Variants in ACOXL observed in about 807,000 individuals in gnomAD.
The protein encoded by ACOXL is acyl-CoA oxidase like, also known as acyl-coenzyme A oxidase-like protein.
In ACOXL, 70 loss-of-function variants were observed where a neutral mutation model predicts 71.9. The ratio of observed to expected loss-of-function variants is 0.97; its 90% CI spans 0.80 to 1.19. The LOEUF (loss-of-function observed/expected upper bound fraction) is 1.19, where lower values mean the gene tolerates loss of function less well. Ranked by LOEUF, ACOXL falls within the 50% of genes most tolerant of loss-of-function variation. The pLI, the probability that ACOXL is intolerant of heterozygous loss-of-function variation, is 0.00. For missense variants in ACOXL, 703 were observed against 736.3 expected (o/e 0.95, Z 0.52); for synonymous variants, 253 against 281.6 (o/e 0.90, Z 1.02).
chr2:110,875,340 A>G (rs7563488), intron 10 of ACOXL, among the ~76,000 whole-genome samples: 43,486 of 152,084 alleles, frequency 0.29, 6,862 homozygotes, highest in Non-Finnish European at 0.35. Context: ...TTCTTTATTA[A>G]GTGTATTTTT....
At chr2:111,117,275 G>A (rs546550796) in intron 17 of ACOXL, among the ~76,000 whole-genome samples, 9 of 152,328 alleles carry the variant, frequency 5.9e-5, no homozygotes, top group Non-Finnish European at 1.3e-4. Flanking sequence ...GGAAGGACCA[G>A]GGAGGAAGGA....
chr2:110,962,063 G>A (rs12999905), intron 12 of ACOXL, among the ~76,000 whole-genome samples: 13,291 of 152,290 alleles, frequency 0.087, 810 homozygotes, highest in East Asian at 0.24. Context: ...CTTGACAGAT[G>A]ATTCAAGAAC....
intron 9 of ACOXL, among the ~76,000 whole-genome samples, chr2:110,839,514 C>A (rs1690874436): frequency 6.6e-6 from 1 of 152,166 alleles, no homozygotes; most frequent in South Asian, 2.1e-4. Flanking sequence ...TTGAAAAATT[C>A]AGGTGATTGT....
intron 10 of ACOXL, among the ~76,000 whole-genome samples, chr2:110,884,236 A>G (rs999183393): frequency 1.3e-5 from 2 of 152,234 alleles, no homozygotes; most frequent in Admixed American, 6.5e-5. Flanking sequence ...AAATTAAACT[A>G]TGTAAGGAAG....
chr2:110,840,403 G>T lies in ACOXL; in HGVS notation c.754-968G>T, dbSNP rs946154401. 4.7e-4 allele frequency among the ~76,000 whole-genome samples: 71 copies of T among 152,182 alleles called. 4 individuals are homozygous for T. The highest frequency in any genetic ancestry group is 1.6e-4 in the Non-Finnish European group (11 of 68,036). The stretch of plus-strand genomic sequence containing the variant: ...CTATTAGTGGTAGTTATTATTTATA[G>T]AATTTTTCCTATCACACAATAGGCA... On this transcript the variant is annotated intron_variant, in intron 9 of 17. Transcript: ENST00000439055.
intron 8 of ACOXL, among the ~76,000 whole-genome samples, chr2:110,802,723 G>A (rs1474318384): frequency 6.6e-6 from 1 of 152,174 alleles, no homozygotes; most frequent in East Asian, 1.9e-4. Context: ...GTTACCAGGG[G>A]CTGGGAAAGG....
At chr2:110,900,086 TAC>T (rs60758688) in intron 10 of ACOXL, among the ~76,000 whole-genome samples, 10,509 of 143,062 alleles carry the variant, frequency 0.073, 430 homozygotes, top group South Asian at 0.15. Flanking sequence ...CACACACACA[TAC>T]ACACACACAC....
intron 1 of ACOXL, among the ~76,000 whole-genome samples, chr2:110,761,890 C>T (rs28452164): frequency 0.057 from 8,673 of 152,216 alleles, 410 homozygotes; most frequent in African/African-American, 0.12. Context: ...TTATAGTGAA[C>T]ATTTTATCAT....
chr2:110,756,236 C>G (rs1679685921), intron 1 of ACOXL, among the ~76,000 whole-genome samples: 1 of 152,112 alleles, frequency 6.6e-6, no homozygotes, highest in South Asian at 2.1e-4. Flanking sequence ...AAGTGATTCT[C>G]CTGTCTCAGC....
At position 111,031,659 on chromosome 2, in the gene ACOXL, C is replaced by T. The variant is rs760450584; in HGVS notation, c.1314C>T (p.Ala438=). The change falls in exon 15 of 18, where the codon GCC becomes GCT. Residue 438 remains alanine, a synonymous_variant. Transcript: ENST00000439055. ...VKTKKEDFFH[A]WNSCLHHVAS... is the part of the protein sequence containing the mutation. ...CCAAGAAGGAGGATTTTTTCCATGC[C>T]TGGAACTCGTGTCTGCACCACGTGG... The T allele has an allele frequency of 1.9e-6, 3 of 1,614,166 alleles. No homozygotes were observed. Among genetic ancestry groups the T allele is most frequent in the Non-Finnish European group, 2.5e-6 (3 of 1,180,026 alleles).
chr2:110,938,267 TG>T (rs887556640), intron 12 of ACOXL, among the ~76,000 whole-genome samples: 3 of 152,100 alleles, frequency 2.0e-5, no homozygotes, highest in African/African-American at 7.2e-5. Flanking sequence ...AGGCATGGGC[TG>T]GGTCTCAGTG....
intron 9 of ACOXL, among the ~76,000 whole-genome samples, chr2:110,815,553 T>C (rs1385802869): frequency 6.6e-6 from 1 of 152,224 alleles, no homozygotes; most frequent in Non-Finnish European, 1.5e-5. Flanking sequence ...ATATTTAAAA[T>C]GTATGTGCTG....
At chr2:111,045,905 A>G (rs1221427344) in intron 15 of ACOXL, among the ~76,000 whole-genome samples, 4 of 152,030 alleles carry the variant, frequency 2.6e-5, no homozygotes, top group Non-Finnish European at 1.5e-5. Context: ...TTGTGTTCCT[A>G]CACGTGCACT....
chr2:110,992,295 G>A (rs566883899), intron 13 of ACOXL, among the ~76,000 whole-genome samples: 3 of 152,260 alleles, frequency 2.0e-5, no homozygotes, highest in South Asian at 2.1e-4. Context: ...CTTAAATCCC[G>A]AAACTTTACT....
At chr2:110,816,407 C>T (rs1687923090) in intron 9 of ACOXL, among the ~76,000 whole-genome samples, 2 of 152,164 alleles carry the variant, frequency 1.3e-5, no homozygotes, top group South Asian at 4.1e-4. Context: ...ATTATTGGCC[C>T]TGGAATCATG....
intron 9 of ACOXL, among the ~76,000 whole-genome samples, chr2:110,819,789 G>A (rs1249313759): frequency 2.6e-5 from 4 of 152,146 alleles, no homozygotes; most frequent in African/African-American, 4.8e-5. Context: ...TCTAGAGAAG[G>A]GGCTGAGGAT....
intron 10 of ACOXL, among the ~76,000 whole-genome samples, chr2:110,903,120 T>C (rs1044946715): frequency 6.6e-6 from 1 of 152,210 alleles, no homozygotes; most frequent in Non-Finnish European, 1.5e-5. Flanking sequence ...TCCTCTCCTT[T>C]GAAGTTGACT....
intron 10 of ACOXL, among the ~76,000 whole-genome samples, chr2:110,890,436 A>G (rs1456735936): frequency 6.6e-6 from 1 of 152,164 alleles, no homozygotes. Flanking sequence ...TAAGAGTGTT[A>G]TAGTTTTAAC....
intron 13 of ACOXL, among the ~76,000 whole-genome samples, chr2:110,990,149 A>G (rs1433777686): frequency 6.6e-6 from 1 of 152,192 alleles, no homozygotes; most frequent in Admixed American, 6.5e-5. Context: ...AAAATATATT[A>G]AATCTATATA....
Sources: gnomAD v4.1 joint callset for allele counts (sites outside exome capture counted in the v4.1 genomes callset) on GRCh38, gnomAD v4.1.1 for gene constraint, MANE v1.5 for transcripts, NCBI Gene and HGNC (gene_info 2026-07-23, HGNC 2026-07-21) for gene names.